The following VWA7 variants were observed in gnomAD, a reference collection of about 807,000 sequenced individuals.
VWA7 encodes the protein von Willebrand factor A domain containing 7.
Under a neutral mutation model 83.1 loss-of-function variants are expected in VWA7, and 66 were observed. The ratio of observed to expected loss-of-function variants is 0.79; its 90% CI spans 0.65 to 0.98. The LOEUF is 0.98. Among genes scored for constraint, VWA7 ranks in the 50% least tolerant of loss-of-function variants. The pLI, the probability that VWA7 is intolerant of heterozygous loss-of-function variation, is 0.00. For missense variants in VWA7, 1,080 were observed against 1,160.2 expected (o/e 0.93, Z 1.00); for synonymous variants, 424 against 488.5 (o/e 0.87, Z 1.74).
At chr6:31,767,836 G>C in intron 10 of VWA7, 82 bp from the exon 11 acceptor site, 1 of 1,503,362 alleles carries the variant, frequency 6.7e-7, no homozygotes, top group Non-Finnish European at 9.0e-7. Flanking sequence ...GAGATAGAAA[G>C]AAACCACGTC....
At chr6:31,772,900 A>C (rs1812334879) in intron 7 of VWA7, 54 bp downstream of exon 7, 1 of 1,572,910 alleles carries the variant, frequency 6.4e-7, no homozygotes, top group African/African-American at 1.3e-5. Context: ...CGCCCAGTCT[A>C]TCCCTTACCT....
Position 31,775,333 on chromosome 6 carries a change from CT to C in VWA7, c.609del (p.Val204TrpfsTer12). On this transcript the variant is annotated frameshift_variant and splice_region_variant, in exon 4 of 17. Transcript: ENST00000375688. LOFTEE classifies it high-confidence loss of function. This position sits in a 1 kb window ranked among gnomAD's most constrained non-coding sequence, Gnocchi z 5.9. ...CTCACCACCAGGGTCACAGCCATACCTTGTGCCAGGTTCTGGAGCTCCTGCC... is the reference window on the plus strand; with the variant it reads ...CTCACCACCAGGGTCACAGCCATACCTGTGCCAGGTTCTGGAGCTCCTGCC... Reference protein sequence around the residue: ...WPRQELQNLAQVADPTCSDCE... With the variant: ...WPRQELQNLAXVADPTCSDCE... 1 of 1,611,718 alleles carries C rather than the reference CT, an allele frequency of 6.2e-7. No homozygotes were observed. Among genetic ancestry groups the C allele is most frequent in the South Asian group, 1.1e-5 (1 of 90,860 alleles).
Position 31,773,616 on chromosome 6 carries a change from G to C in VWA7, c.722-179C>G, listed in dbSNP as rs1248039020. On this transcript the variant is annotated intron_variant, in intron 5 of 16. Coordinates refer to ENST00000375688, the MANE Select transcript of VWA7 (RefSeq NM_025258.3). The surrounding 1 kb of genome is among the most constrained non-coding windows in gnomAD (Gnocchi z 5.3). ...AATCCCAGCGCTTTGGGAGGCCGAGGCCGGCAGATCATCTGAGATCAGGAG... is the reference window on the plus strand; with the variant it reads ...AATCCCAGCGCTTTGGGAGGCCGAGCCCGGCAGATCATCTGAGATCAGGAG... 6.6e-6 allele frequency among the ~76,000 whole-genome samples: 1 copy of C among 152,232 alleles called. No homozygotes were observed. The highest frequency in any genetic ancestry group is 2.4e-5 in the African/African-American group (1 of 41,468).
At position 31,774,394 on chromosome 6, in the gene VWA7, T is replaced by A. The variant is rs987510468; in HGVS notation, c.721+122A>T. Reference sequence around the variant, plus strand: ...GGGGACTTTCCTCCACCCACCCTGTTCCCAGCATCCTCTCCTCCTAGGAGG... The same window carrying A: ...GGGGACTTTCCTCCACCCACCCTGTACCCAGCATCCTCTCCTCCTAGGAGG... On this transcript the variant is annotated intron_variant, in intron 5 of 16. Transcript: ENST00000375688. 21 of 945,172 alleles carry A rather than the reference T, an allele frequency of 2.2e-5. No homozygotes were observed. The Admixed American group carries it at 3.4e-4, about 15-fold the overall frequency. 58.5% of individuals were successfully genotyped at this position (945,172 alleles called of 1,614,324 possible).
In VWA7 at chr6:31,777,206, G is replaced by T; in HGVS notation, c.-113C>A. The T allele has an allele frequency of 2.5e-6, 1 of 393,268 alleles. No homozygotes were observed. The highest frequency in any genetic ancestry group is 4.6e-6 in the Non-Finnish European group (1 of 217,170). 24.4% of individuals were successfully genotyped at this position (393,268 alleles called of 1,614,324 possible). The stretch of plus-strand genomic sequence containing the variant: ...TAACCGAGGCTCAGCAGAGGGGGAG[G>T]AAGGCCTCAACAGGGTGGGGGAGGA... On this transcript the variant is annotated 5_prime_UTR_variant, in exon 1 of 17. Transcript: ENST00000375688. This position sits in a 1 kb window ranked among gnomAD's most constrained non-coding sequence, Gnocchi z 5.8.
At chr6:31,771,471 C>G (rs943066752) in intron 7 of VWA7, 1 of 152,214 alleles carries the variant, frequency 6.6e-6, no homozygotes, top group South Asian at 2.1e-4. Flanking sequence ...CAACATCCTG[C>G]CCCACCCTGA....
chr6:31,773,046 G>A lies in VWA7; in HGVS notation c.995C>T (p.Ala332Val), dbSNP rs974291496. ...AAGGTGGCGAGCCTGGATTTTGGCA[G>A]CGTTGATCTCCTCACCCATGCTGCC... ...TTGSMGEEIN[A>V]AKIQARHLVE... Residue 332 changes from alanine to valine, a missense_variant, in exon 7 of 17, where the codon GCT (alanine) becomes GTT (valine). Transcript: ENST00000375688. The surrounding 1 kb of genome is among the most constrained non-coding windows in gnomAD (Gnocchi z 5.3). The A allele has an allele frequency of 2.5e-6, 4 of 1,612,462 alleles. No homozygotes were observed. In the African/African-American group the frequency reaches 5.3e-5, roughly 22 times the overall value.
rs767231957 is a variant in VWA7, at chr6:31,769,998, G to A, written c.1200+3C>T. On this transcript the variant is annotated splice_donor_region_variant and intron_variant, in intron 8 of 16. Coordinates refer to ENST00000375688, the MANE Select transcript of VWA7 (RefSeq NM_025258.3). This position sits in a 1 kb window ranked among gnomAD's most constrained non-coding sequence, Gnocchi z 4.5. ...GAAACGGGGAAGAAGGGAGGGGCCA[G>A]ACCTGCAGGGCTGACAGGCACATCT... 13 of 1,612,616 alleles carry A rather than the reference G, an allele frequency of 8.1e-6. No individual in the cohort carries two copies. In the Middle Eastern group the frequency reaches 1.5e-3, roughly 184 times the overall value.
Position 31,773,367 on chromosome 6 carries a change from G to A in VWA7, c.792C>T (p.Asp264=). Residue 264 remains aspartate, a synonymous_variant, in exon 6 of 17, where the codon GAC becomes GAT. Transcript: ENST00000375688. The surrounding 1 kb of genome is among the most constrained non-coding windows in gnomAD (Gnocchi z 5.3). ...GAGGGGAGAAGCCTGGGGATGTGCT[G>A]TCCTTGTTGATGCCTCCCCTCGGTG... is the stretch of plus-strand genomic sequence containing the variant. ...SQPPRGGINK[D]STSPGFSPHH... The A allele has an allele frequency of 3.1e-6, 5 of 1,607,542 alleles. No individual in the cohort carries two copies. The highest frequency in any genetic ancestry group is 1.7e-4 in the Middle Eastern group (1 of 6,058).
rs769145070 is a variant in VWA7 at position 31,766,578 on chromosome 6, G to T, written c.2069C>A (p.Thr690Lys). The T allele has an allele frequency of 6.2e-7, 1 of 1,612,990 alleles. No individual in the cohort carries two copies. The highest frequency in any genetic ancestry group is 8.5e-7 in the Non-Finnish European group (1 of 1,180,024). Reference sequence around the variant, plus strand: ...GAAGGGTCTAGGGGTGGACAGCAGCGTGGGCGACAGCGAGGCTGCGAGGAG... The same window carrying T: ...GAAGGGTCTAGGGGTGGACAGCAGCTTGGGCGACAGCGAGGCTGCGAGGAG... Reference protein sequence around the residue: ...RGLLAASLSPTLLSTPRPFSL... With the variant: ...RGLLAASLSPKLLSTPRPFSL... The change falls in exon 14 of 17, where the codon ACG becomes AAG. Residue 690 changes from threonine (T) to lysine (K), a missense_variant. By Grantham distance (78) the Thr-to-Lys change is moderately conservative (BLOSUM62 -1). Transcript: ENST00000375688. This position sits in a 1 kb window ranked among gnomAD's most constrained non-coding sequence, Gnocchi z 4.9.
intron 10 of VWA7, 85 bp from the exon 11 acceptor site, chr6:31,767,839 A>C: frequency 6.7e-7 from 1 of 1,491,852 alleles, no homozygotes; most frequent in Non-Finnish European, 9.0e-7. Context: ...ATAGAAAGAA[A>C]CCACGTCATT....
chr6:31,770,088 A>G lies in VWA7; in HGVS notation c.1113T>C (p.Ser371=). The change falls in exon 8 of 17, where the codon AGT becomes AGC. Residue 371 remains serine (S), a synonymous_variant. Coordinates refer to ENST00000375688, the MANE Select transcript of VWA7 (RefSeq NM_025258.3). ...GCTGTTGCCAGAAGCTGTCAGGGTCACTGGTTGTAAAGACAGGGCCGAACC... is the reference window on the plus strand; with the variant it reads ...GCTGTTGCCAGAAGCTGTCAGGGTCGCTGGTTGTAAAGACAGGGCCGAACC... The part of the protein sequence containing the change: ...DPGFGPVFTT[S]DPDSFWQQLN... 6.2e-7 allele frequency: 1 copy of G among 1,612,948 alleles called. No homozygotes were observed. The highest frequency in any genetic ancestry group is 8.5e-7 in the Non-Finnish European group (1 of 1,180,008).
At position 31,765,985 on chromosome 6, in the gene VWA7, A is replaced by G. The variant is rs752361847; in HGVS notation, c.2397T>C (p.Asp799=). 6.2e-7 allele frequency: 1 copy of G among 1,612,994 alleles called. No homozygotes were observed. The change falls in exon 16 of 17, where the codon GAT becomes GAC. Residue 799 remains aspartate (D), a synonymous_variant. Coordinates refer to ENST00000375688, the MANE Select transcript of VWA7 (RefSeq NM_025258.3). ...WLEVPDSAAP[D]SVVMVTVTAG... Reference sequence around the variant, plus strand: ...CAGTCACAGTCACCATCACCACGGAATCCGGGGCCGCTGAATCTGGGACCT... The same window carrying G: ...CAGTCACAGTCACCATCACCACGGAGTCCGGGGCCGCTGAATCTGGGACCT...
chr6:31,775,389 T>C lies in VWA7; in HGVS notation c.554A>G (p.Gln185Arg). Residue 185 changes from glutamine (Q) to arginine (R), a missense_variant, in exon 4 of 17, where the codon CAG (glutamine) becomes CGG (arginine). Gln to Arg is a conservative substitution (Grantham distance 43, BLOSUM62 1). Transcript: ENST00000375688. The surrounding 1 kb of genome is among the most constrained non-coding windows in gnomAD (Gnocchi z 5.9). The stretch of plus-strand genomic sequence containing the variant: ...CCAGAGGAGGTGAGGGTGTGGCTGC[T>C]GCTCGCCCAGCTCCACCCAGTTGCT... ...SHSNWVELGE[Q>R]QPHPHLLWPR... 1 of 1,612,602 alleles carries C rather than the reference T, an allele frequency of 6.2e-7. No individual in the cohort carries two copies. Among genetic ancestry groups the C allele is most frequent in the Non-Finnish European group, 8.5e-7 (1 of 1,179,794 alleles).
Position 31,775,949 on chromosome 6 carries a change from C to A in VWA7, c.513+15G>T. On this transcript the variant is annotated intron_variant, in intron 3 of 16. Transcript: ENST00000375688. This position sits in a 1 kb window ranked among gnomAD's most constrained non-coding sequence, Gnocchi z 5.9. ...GTGAAGACCCCTCTGACCATCAACC[C>A]AACCCTGTTCTCACCTGCAGGGCAT... 1 of 1,598,912 alleles carries A rather than the reference C, an allele frequency of 6.3e-7. No homozygotes were observed. The highest frequency in any genetic ancestry group is 1.1e-5 in the South Asian group (1 of 89,774).
Position 31,776,393 on chromosome 6 carries a change from C to T in VWA7, c.235-151G>A. On this transcript the variant is annotated intron_variant, in intron 2 of 16. Coordinates refer to ENST00000375688, the MANE Select transcript of VWA7 (RefSeq NM_025258.3). This position sits in a 1 kb window ranked among gnomAD's most constrained non-coding sequence, Gnocchi z 6.2. ...TCCCGGACCTTTCTAAGGAGGGGGA[C>T]TCCTAATTTCAGGACCAAGACTACT... is the stretch of plus-strand genomic sequence containing the variant. The T allele has an allele frequency of 7.8e-7, 1 of 1,282,156 alleles. No individual in the cohort carries two copies. The allele number at this position is 1,282,156 out of a possible 1,614,324, so 79.4% of individuals were successfully genotyped here.
Position 31,769,983 on chromosome 6 carries a change from A to T in VWA7, c.1200+18T>A, listed in dbSNP as rs374525418. On this transcript the variant is annotated intron_variant, in intron 8 of 16. Transcript: ENST00000375688. The surrounding 1 kb of genome is among the most constrained non-coding windows in gnomAD (Gnocchi z 4.5). ...TGGTGGTGGGGCCAGGAAACGGGGA[A>T]GAAGGGAGGGGCCAGACCTGCAGGG... 3 of 1,610,442 alleles carry T rather than the reference A, an allele frequency of 1.9e-6. No individual in the cohort carries two copies. The highest frequency in any genetic ancestry group is 2.5e-6 in the Non-Finnish European group (3 of 1,178,002).
Position 31,773,200 on chromosome 6 carries a change from G to A in VWA7, c.917+42C>T. ...GCCTGGTTTCTCCCTTCCCGCAGGA[G>A]CGCCTCCCCATGAAGGGGTCCATCC... On this transcript the variant is annotated intron_variant, in intron 6 of 16. Transcript: ENST00000375688. This position sits in a 1 kb window ranked among gnomAD's most constrained non-coding sequence, Gnocchi z 5.3. The A allele has an allele frequency of 6.3e-7, 1 of 1,590,594 alleles. No homozygotes were observed. Among genetic ancestry groups the A allele is most frequent in the Non-Finnish European group, 8.6e-7 (1 of 1,169,160 alleles).
Position 31,766,170 on chromosome 6 carries a change from G to A in VWA7, c.2324+75C>T. 1 of 1,594,994 alleles carries A rather than the reference G, an allele frequency of 6.3e-7. No individual in the cohort carries two copies. The highest frequency in any genetic ancestry group is 8.6e-7 in the Non-Finnish European group (1 of 1,169,200). Reference sequence around the variant, plus strand: ...AGGATTCTGAGGGCCAGTCGGAGGGGGACAGGGGCAGGGCTTGGGATAAGC... The same window carrying A: ...AGGATTCTGAGGGCCAGTCGGAGGGAGACAGGGGCAGGGCTTGGGATAAGC... On this transcript the variant is annotated intron_variant, in intron 15 of 16. Transcript: ENST00000375688. The surrounding 1 kb of genome is among the most constrained non-coding windows in gnomAD (Gnocchi z 4.9).
Sources: gnomAD v4.1 joint callset for allele counts (sites outside exome capture counted in the v4.1 genomes callset) on GRCh38, gnomAD v4.1.1 for gene constraint, Gnocchi (gnomAD v3.1) non-coding constraint, MANE v1.5 for transcripts, NCBI Gene and HGNC (gene_info 2026-07-23, HGNC 2026-07-21) for gene names.